GRIN2A: variants seen among roughly 807,000 people sequenced by gnomAD.
GRIN2A encodes glutamate receptor ionotropic, NMDA 2A.
In GRIN2A, 22 loss-of-function variants were observed where a neutral mutation model predicts 113.4. The observed-to-expected ratio is 0.19, with a 90% CI of 0.14 to 0.28. The LOEUF (loss-of-function observed/expected upper bound fraction) is 0.28. GRIN2A is among the 10% of genes least tolerant of loss of function. The probability of loss-of-function intolerance (pLI) is 1.00; values close to 1 mark genes in which losing one functional copy is unlikely to be tolerated. For missense variants in GRIN2A, 1,502 were observed against 1,887.0 expected (o/e 0.80, Z 3.78); for synonymous variants, 827 against 738.4 (o/e 1.12, Z -1.94).
intron 2 of GRIN2A, among the ~76,000 whole-genome samples, chr16:10,123,899 G>A (rs190483360): frequency 1.1e-4 from 16 of 152,258 alleles, no homozygotes; most frequent in East Asian, 3.9e-4. Flanking sequence ...GAGCTGCTCC[G>A]TGGGTTACAG....
chr16:10,007,664 C>T (rs2046429000), intron 2 of GRIN2A, among the ~76,000 whole-genome samples: 1 of 151,902 alleles, frequency 6.6e-6, no homozygotes, highest in African/African-American at 2.4e-5. Flanking sequence ...CTTTGGTTGC[C>T]TGTGCTGTCG....
At chr16:9,905,257 T>A (rs1368301171) in intron 3 of GRIN2A, among the ~76,000 whole-genome samples, 1 of 152,230 alleles carries the variant, frequency 6.6e-6, no homozygotes, top group African/African-American at 2.4e-5. Context: ...CTGCAGCTAA[T>A]GTTCCTGTTG....
intron 3 of GRIN2A, among the ~76,000 whole-genome samples, chr16:9,891,846 C>G (rs1468049527): frequency 6.6e-5 from 10 of 152,106 alleles, no homozygotes; most frequent in Non-Finnish European, 1.5e-4. Context: ...CAGAGAAAGA[C>G]AGGAAAATGT....
intron 2 of GRIN2A, among the ~76,000 whole-genome samples, chr16:10,085,494 A>G (rs1284958411): frequency 6.6e-6 from 1 of 152,228 alleles, no homozygotes; most frequent in African/African-American, 2.4e-5. Flanking sequence ...ATTAGAGGAC[A>G]TGAAGGCACT....
At chr16:9,774,159 T>C (rs560584149) in intron 11 of GRIN2A, among the ~76,000 whole-genome samples, 2 of 151,354 alleles carry the variant, frequency 1.3e-5, no homozygotes, top group African/African-American at 4.9e-5. Flanking sequence ...AGTGGAGGAG[T>C]TTCTCCCATT....
chr16:9,874,644 C>G (rs1049321862), intron 4 of GRIN2A, among the ~76,000 whole-genome samples: 10 of 152,226 alleles, frequency 6.6e-5, no homozygotes, highest in African/African-American at 2.2e-4. Context: ...ACTTTGCAGT[C>G]TAGCAGACCT....
intron 2 of GRIN2A, among the ~76,000 whole-genome samples, chr16:10,083,664 C>T (rs936720829): frequency 6.6e-6 from 1 of 152,220 alleles, no homozygotes; most frequent in Non-Finnish European, 1.5e-5. Context: ...CCCTACTCTC[C>T]TACCTGACGA....
chr16:10,151,328 T>C (rs2049565712), intron 2 of GRIN2A, among the ~76,000 whole-genome samples: 1 of 152,200 alleles, frequency 6.6e-6, no homozygotes, highest in African/African-American at 2.4e-5. Context: ...AGAATGTGTC[T>C]GGTGCTTACA....
intron 2 of GRIN2A, among the ~76,000 whole-genome samples, chr16:9,941,837 C>A (rs1406076469): frequency 1.3e-5 from 2 of 152,182 alleles, no homozygotes; most frequent in African/African-American, 4.8e-5. Context: ...CCACCCCCAA[C>A]CACCTTATTA....
intron 2 of GRIN2A, among the ~76,000 whole-genome samples, chr16:10,154,485 G>A (rs1286020350): frequency 3.3e-5 from 5 of 152,074 alleles, no homozygotes; most frequent in African/African-American, 1.2e-4. Flanking sequence ...CCATCCCCTG[G>A]AATATAAGTT....
chr16:10,058,390 G>T (rs1859542022), intron 2 of GRIN2A, among the ~76,000 whole-genome samples: 1 of 152,150 alleles, frequency 6.6e-6, no homozygotes, highest in African/African-American at 2.4e-5. Context: ...AAACAAACTT[G>T]TGTTATGTTT....
intron 2 of GRIN2A, among the ~76,000 whole-genome samples, chr16:9,947,108 G>A (rs1170028791): frequency 1.3e-5 from 2 of 152,174 alleles, no homozygotes; most frequent in South Asian, 2.1e-4. Context: ...ACAGGGTAGT[G>A]CATCTCTCTT....
rs368255152 is a variant in GRIN2A at position 9,862,552 on chromosome 16, G to A, written c.1123-12591C>T. On this transcript the variant is annotated intron_variant, in intron 4 of 12. Transcript: ENST00000330684. ...CAAATTTAAAAGCGGAAAAATCTTT[G>A]GAACAAAGAGCCATCATTTTCTTCA... 4.6e-5 allele frequency among the ~76,000 whole-genome samples: 7 copies of A among 152,100 alleles called. No homozygotes were observed. In the East Asian group the frequency reaches 1.2e-3, roughly 25 times the overall value.
intron 9 of GRIN2A, among the ~76,000 whole-genome samples, chr16:9,825,639 G>T (rs982854708): frequency 6.6e-6 from 1 of 152,052 alleles, no homozygotes; most frequent in African/African-American, 2.4e-5. Flanking sequence ...GGGACATCTG[G>T]CAACTGGAGC....
intron 2 of GRIN2A, among the ~76,000 whole-genome samples, chr16:10,167,985 G>A (rs2049960594): frequency 6.6e-6 from 1 of 152,140 alleles, no homozygotes; most frequent in Admixed American, 6.5e-5. Flanking sequence ...GAGTCTGGCT[G>A]GCTCTTTAGA....
chr16:9,870,743 T>C (rs941846283), intron 4 of GRIN2A, among the ~76,000 whole-genome samples: 5 of 151,678 alleles, frequency 3.3e-5, no homozygotes, highest in Non-Finnish European at 7.4e-5. Context: ...GTTCAAGCAA[T>C]TCTCCTGCCT....
intron 2 of GRIN2A, among the ~76,000 whole-genome samples, chr16:10,140,138 T>C (rs2049294943): frequency 6.6e-6 from 1 of 152,214 alleles, no homozygotes; most frequent in Non-Finnish European, 1.5e-5. Context: ...TATATATAAC[T>C]CAGTGTAGTT....
intron 2 of GRIN2A, among the ~76,000 whole-genome samples, chr16:9,940,703 C>G (rs1308696767): frequency 1.3e-5 from 2 of 152,092 alleles, no homozygotes; most frequent in Admixed American, 1.3e-4. Flanking sequence ...GTGTCCAAAA[C>G]AAAACAAAAC....
chr16:10,177,133 C>G (rs1160211062), intron 2 of GRIN2A, among the ~76,000 whole-genome samples: 1 of 152,130 alleles, frequency 6.6e-6, no homozygotes, highest in Non-Finnish European at 1.5e-5. Flanking sequence ...TCTTTGGAGA[C>G]AAATAAACTC....
Sources: allele counts gnomAD v4.1 joint callset (sites outside exome capture counted in the v4.1 genomes callset), GRCh38; gene constraint gnomAD v4.1.1; transcripts MANE v1.5; gene names NCBI Gene and HGNC (gene_info 2026-07-23, HGNC 2026-07-21).